PECAM1: variants seen among roughly 807,000 people sequenced by gnomAD.
The protein encoded by PECAM1 is platelet endothelial cell adhesion molecule.
A neutral mutation model predicts 13.8 loss-of-function variants in PECAM1; 8 were observed. That is an observed-to-expected ratio of 0.58 (90% CI 0.34 to 1.05). PECAM1 has a LOEUF of 1.05. Ranked by LOEUF, PECAM1 falls within the 50% of genes least tolerant of loss-of-function variation. PECAM1 has a pLI of 0.03. For missense variants in PECAM1, 304 were observed against 141.2 expected (o/e 2.15, Z -5.84); for synonymous variants, 136 against 52.6 (o/e 2.58, Z -6.86).
intron 2 of PECAM1, among the ~76,000 whole-genome samples, chr17:64,387,473 A>G (rs955961465): frequency 1.1e-4 from 16 of 152,328 alleles, no homozygotes; most frequent in Admixed American, 9.8e-4. Flanking sequence ...TCCTAAAAAA[A>G]GAGTTCCCAT....
At chr17:64,329,856 T>G (rs2035057972) in intron 14 of PECAM1, 134 bp from the exon 15 acceptor site, 1 of 703,178 alleles carries the variant, frequency 1.4e-6, no homozygotes, top group African/African-American at 1.8e-5. Flanking sequence ...AGCCGGCAGG[T>G]GCCCTTAGAG....
In PECAM1 at chr17:64,360,333, C is replaced by T. The variant is rs889191070; in HGVS notation, c.1299G>A (p.Ser433=). 6.3e-6 allele frequency: 3 copies of T among 475,330 alleles called. No individual in the cohort carries two copies. Among genetic ancestry groups the T allele is most frequent in the East Asian group, 3.1e-5 (1 of 32,048 alleles). 29.4% of individuals were successfully genotyped at this position (475,330 alleles called of 1,614,324 possible). Residue 433 remains serine, a synonymous_variant, in exon 7 of 16, where the codon TCG becomes TCA. Transcript: ENST00000563924. ...KGQTIEVRCE[S]ISGTLPISYQ... ...AAGAAATAGGCAAAGTTCCACTGAT[C>T]GATTCGCAACGGACTTCGATGGTCT...
At chr17:64,323,895 A>G (rs373585014) in intron 15 of PECAM1, 50 bp from the exon 16 acceptor site, 9 of 790,362 alleles carry the variant, frequency 1.1e-5, no homozygotes, top group Non-Finnish European at 1.9e-5. Flanking sequence ...CTCAAGATTG[A>G]AGATTGCCCT....
At chr17:64,334,419 G>A (rs1187452559) in intron 14 of PECAM1, among the ~76,000 whole-genome samples, 2 of 152,280 alleles carry the variant, frequency 1.3e-5, no homozygotes, top group Middle Eastern at 3.4e-3. Context: ...CATGCTAGAA[G>A]ATGACGGGGA....
intron 12 of PECAM1, among the ~76,000 whole-genome samples, chr17:64,349,106 A>G (rs1326160042): frequency 6.6e-6 from 1 of 152,244 alleles, no homozygotes; most frequent in Admixed American, 6.5e-5. Context: ...AATGGGGAAC[A>G]GGGGTCACTA....
chr17:64,336,634 C>G (rs2035282501), intron 14 of PECAM1, among the ~76,000 whole-genome samples: 1 of 152,160 alleles, frequency 6.6e-6, no homozygotes, highest in African/African-American at 2.4e-5. Context: ...GCCTGAATCC[C>G]AGCACTTTGG....
chr17:64,333,984 T>C (rs1597998071), intron 14 of PECAM1, among the ~76,000 whole-genome samples: 1 of 137,450 alleles, frequency 7.3e-6, no homozygotes, highest in African/African-American at 2.7e-5. Flanking sequence ...AAAAGCATAG[T>C]GTGGAATTCT....
intron 15 of PECAM1, among the ~76,000 whole-genome samples, chr17:64,325,888 A>G (rs1161950679): frequency 6.6e-6 from 1 of 152,112 alleles, no homozygotes; most frequent in African/African-American, 2.4e-5. Context: ...TCTGACCCAC[A>G]CTGTTCTCTA....
At chr17:64,345,343 G>C (rs924946456) in intron 13 of PECAM1, among the ~76,000 whole-genome samples, 2 of 152,120 alleles carry the variant, frequency 1.3e-5, no homozygotes, top group Non-Finnish European at 2.9e-5. Flanking sequence ...GGGAGGGTCT[G>C]TATGTGCTTG....
chr17:64,322,381 C>T lies in PECAM1; in HGVS notation c.*1435G>A, dbSNP rs1373581714. 1.3e-5 allele frequency: 13 copies of T among 980,850 alleles called. No individual in the cohort carries two copies. The highest frequency in any genetic ancestry group is 6.1e-5 in the Admixed American group (1 of 16,442). The allele number at this position is 980,850 out of a possible 1,614,324, so 60.8% of individuals were successfully genotyped here. ...AGCCCGGGCAACAAGAGCGAATCTCCGTCTCAAAACAACAAAACAAAAACA... is the reference window on the plus strand; with the variant it reads ...AGCCCGGGCAACAAGAGCGAATCTCTGTCTCAAAACAACAAAACAAAAACA... On this transcript the variant is annotated 3_prime_UTR_variant, in exon 16 of 16. Transcript: ENST00000563924.
At chr17:64,368,450 G>A (rs2036161173) in intron 5 of PECAM1, among the ~76,000 whole-genome samples, 1 of 152,090 alleles carries the variant, frequency 6.6e-6, no homozygotes, top group Non-Finnish European at 1.5e-5. Flanking sequence ...TGGTAACCCT[G>A]TAATCCTTCG....
At chr17:64,329,796 G>A (rs2035056019) in intron 14 of PECAM1, 74 bp from the exon 15 acceptor site, 1 of 732,434 alleles carries the variant, frequency 1.4e-6, no homozygotes, top group Non-Finnish European at 2.5e-6. Context: ...ACATCACAGG[G>A]TCAGGAGCAG....
At chr17:64,326,900 C>T (rs1177833172) in intron 15 of PECAM1, among the ~76,000 whole-genome samples, 1 of 152,216 alleles carries the variant, frequency 6.6e-6, no homozygotes, top group African/African-American at 2.4e-5. Context: ...ACCCTGGGAT[C>T]TCTAGTTCCT....
rs1487612142 is a variant in PECAM1, at chr17:64,322,790, A to G, written c.*1026T>C. On this transcript the variant is annotated 3_prime_UTR_variant, in exon 16 of 16. Transcript: ENST00000563924. ...GAGTGCAGTGGCGCGATCTCCGCTC[A>G]CTACAACCTCCGTTTCCTGGGTTCA... 3 of 631,096 alleles carry G rather than the reference A, an allele frequency of 4.8e-6. No homozygotes were observed. The highest frequency in any genetic ancestry group is 4.0e-6 in the Non-Finnish European group (2 of 506,152). 39.1% of individuals were successfully genotyped at this position (631,096 alleles called of 1,614,324 possible). A position where few individuals can be genotyped will look rare whatever the true frequency, so the allele number is the denominator to read the frequency against.
In PECAM1 at chr17:64,334,796, T is replaced by G. The variant is rs907245883; in HGVS notation, c.2165-5074A>C. Among the ~76,000 whole-genome samples the G allele has an allele frequency of 3.3e-4, 50 of 152,184 alleles. 1 individual carries two copies. Among genetic ancestry groups the G allele is most frequent in the African/African-American group, 1.2e-3 (48 of 41,540 alleles). On this transcript the variant is annotated intron_variant, in intron 14 of 15. Coordinates refer to ENST00000563924, the MANE Select transcript of PECAM1 (RefSeq NM_000442.5). ...TGCTGGGATTACAGGCGTGAGCCAC[T>G]GCGCACGGCCCTGGGCCCCCTGTTT...
intron 13 of PECAM1, among the ~76,000 whole-genome samples, chr17:64,344,594 A>G (rs1197347210): frequency 2.6e-5 from 4 of 151,806 alleles, no homozygotes; most frequent in East Asian, 1.9e-4. Flanking sequence ...CCCCTCCTCC[A>G]TAGGAGGAGG....
intron 2 of PECAM1, among the ~76,000 whole-genome samples, chr17:64,379,644 T>C (rs2036437750): frequency 6.6e-6 from 1 of 152,118 alleles, no homozygotes; most frequent in African/African-American, 2.4e-5. Context: ...TGAATCTGGG[T>C]TTAATCAGCA....
intron 9 of PECAM1, among the ~76,000 whole-genome samples, chr17:64,353,826 T>A (rs1568020621): frequency 1.3e-5 from 2 of 152,118 alleles, no homozygotes; most frequent in South Asian, 4.1e-4. Context: ...AAACATGATA[T>A]CTTGACTATT....
At position 64,322,027 on chromosome 17, in the gene PECAM1, T is replaced by C. The variant is rs782448489; in HGVS notation, c.*1789A>G. 40 of 1,199,662 alleles carry C rather than the reference T, an allele frequency of 3.3e-5. No homozygotes were observed. Among genetic ancestry groups the C allele is most frequent in the Non-Finnish European group, 4.1e-5 (38 of 937,142 alleles). The allele number at this position is 1,199,662 out of a possible 1,614,324, so 74.3% of individuals were successfully genotyped here. On this transcript the variant is annotated 3_prime_UTR_variant, in exon 16 of 16. Transcript: ENST00000563924. ...TTGTATGACATTTTCGTGATACAAC[T>C]CGGTGTGTGTGTGTTGGGGAAAGGA...
Sources: gnomAD v4.1 joint callset for allele counts (sites outside exome capture counted in the v4.1 genomes callset) on GRCh38, gnomAD v4.1.1 for gene constraint, MANE v1.5 for transcripts, NCBI Gene and HGNC (gene_info 2026-07-23, HGNC 2026-07-21) for gene names.